FBH1: variants seen among roughly 807,000 people sequenced by gnomAD.
The protein encoded by FBH1 is F-box DNA helicase 1, also known as DNA 3'-5' helicase 1.
Under a neutral mutation model 115.5 loss-of-function variants are expected in FBH1, and 43 were observed. The observed-to-expected ratio is 0.37, with a 90% CI of 0.29 to 0.48. The LOEUF (loss-of-function observed/expected upper bound fraction) is 0.48. FBH1 is among the 20% of genes least tolerant of loss of function. The probability of loss-of-function intolerance (pLI) is 0.99; values close to 1 mark genes in which losing one functional copy is unlikely to be tolerated. For missense variants in FBH1, 1,001 were observed against 1,337.3 expected, an observed-to-expected ratio of 0.75 and a Z score of 3.92; for synonymous variants, 524 against 507.8, an observed-to-expected ratio of 1.03 and a Z score of -0.43.
At chr10:5,926,067 A>G (rs1832628406) in intron 18 of FBH1, among the ~76,000 whole-genome samples, 1 of 151,794 alleles carries the variant, frequency 6.6e-6, no homozygotes, top group African/African-American at 2.4e-5. Context: ...CACCACAGAC[A>G]TTTGTCTGCT....
chr10:5,918,037 TC>T lies in FBH1; in HGVS notation c.1964-304del, dbSNP rs1280762548. Among the ~76,000 whole-genome samples, 1 of 152,072 alleles carries T rather than the reference TC, an allele frequency of 6.6e-6. No homozygotes were observed. Among genetic ancestry groups the T allele is most frequent in the Non-Finnish European group, 1.5e-5 (1 of 68,004 alleles). On this transcript the variant is annotated intron_variant, in intron 12 of 20. Transcript: ENST00000362091. This position sits in a 1 kb window ranked among gnomAD's most constrained non-coding sequence, Gnocchi z 4.0. ...AGTGTTATCCGTCTGACTTTGTAGG[TC>T]AATTTTGAGTGCTATAATATTAGAG...
At chr10:5,926,098 A>C (rs7919410) in intron 18 of FBH1, among the ~76,000 whole-genome samples, 1,688 of 124,880 alleles carry the variant, frequency 0.014, 20 homozygotes, top group African/African-American at 0.03. Context: ...TGTTGTTATT[A>C]TTATTCTTAT....
rs545504657 is a variant in FBH1, at chr10:5,927,254, A to G, written c.2723-181A>G. On this transcript the variant is annotated intron_variant, in intron 18 of 20. Transcript: ENST00000362091. The stretch of plus-strand genomic sequence containing the variant: ...CGGTATTTTGTGCCACTAGTCTGCT[A>G]GGATTTGGTTTGTTTTTGGAATTGG... Among the ~76,000 whole-genome samples, 12 of 152,310 alleles carry G rather than the reference A, an allele frequency of 7.9e-5. No homozygotes were observed. The East Asian group carries it at 2.3e-3, about 29-fold the overall frequency.
chr10:5,902,991 C>T, intron 1 of FBH1, 29 bp from the exon 2 acceptor site: 1 of 1,576,868 alleles, frequency 6.3e-7, no homozygotes, highest in Non-Finnish European at 8.6e-7. Context: ...ATGAATATCC[C>T]CTTTCTTCTA....
Position 5,906,956 on chromosome 10 carries a change from C to T in FBH1, c.753+324C>T, listed in dbSNP as rs542619993. Among the ~76,000 whole-genome samples the T allele has an allele frequency of 2.0e-5, 3 of 151,936 alleles. No individual in the cohort carries two copies. Among genetic ancestry groups the T allele is most frequent in the Admixed American group, 2.0e-4 (3 of 15,252 alleles). On this transcript the variant is annotated intron_variant, in intron 3 of 20. Coordinates refer to ENST00000362091, the MANE Select transcript of FBH1 (RefSeq NM_178150.3). This position sits in a 1 kb window ranked among gnomAD's most constrained non-coding sequence, Gnocchi z 7.3. ...CCACCTGGAGGGTTCCTCATATCTC[C>T]CTTGACTTCTTTTTTTTTTTTTTTG...
rs1832525954 is a variant in FBH1 at position 5,924,681 on chromosome 10, C to T, written c.2596+173C>T. ...CTTCTGGGTTCAAGCAATTATCCTGCCTCAGCCTCGTGAGTAGCTGGGACT... is the reference window on the plus strand; with the variant it reads ...CTTCTGGGTTCAAGCAATTATCCTGTCTCAGCCTCGTGAGTAGCTGGGACT... On this transcript the variant is annotated intron_variant, in intron 17 of 20. Coordinates refer to ENST00000362091, the MANE Select transcript of FBH1 (RefSeq NM_178150.3). The surrounding 1 kb of genome is among the most constrained non-coding windows in gnomAD (Gnocchi z 6.2). The T allele has an allele frequency of 2.9e-6, 2 of 693,442 alleles. No homozygotes were observed. The highest frequency in any genetic ancestry group is 3.1e-5 in the South Asian group (2 of 65,276). 43.0% of individuals were successfully genotyped at this position (693,442 alleles called of 1,614,324 possible). A position where few individuals can be genotyped will look rare whatever the true frequency, so the allele number is the denominator to read the frequency against.
Position 5,931,678 on chromosome 10 carries a change from A to G in FBH1, c.2829+4137A>G, listed in dbSNP as rs1832979297. Among the ~76,000 whole-genome samples, 2 of 152,228 alleles carry G rather than the reference A, an allele frequency of 1.3e-5. No homozygotes were observed. The highest frequency in any genetic ancestry group is 2.9e-5 in the Non-Finnish European group (2 of 68,042). On this transcript the variant is annotated intron_variant, in intron 19 of 20. Coordinates refer to ENST00000362091, the MANE Select transcript of FBH1 (RefSeq NM_178150.3). The surrounding 1 kb of genome is among the most constrained non-coding windows in gnomAD (Gnocchi z 4.3). ...ATGAATGATGTATTTATTAGTCAAA[A>G]TATCATGTTCTGAAGTCACTTAAAG...
chr10:5,910,809 G>A lies in FBH1; in HGVS notation c.1021-129G>A, dbSNP rs112967813. The stretch of plus-strand genomic sequence containing the variant: ...TCCCAAATACAACTTGGAAAGTTTG[G>A]ATTCAGTCCAGACAGTCTGTAGCCA... On this transcript the variant is annotated intron_variant, in intron 5 of 20. Coordinates refer to ENST00000362091, the MANE Select transcript of FBH1 (RefSeq NM_178150.3). The surrounding 1 kb of genome is among the most constrained non-coding windows in gnomAD (Gnocchi z 4.8). 2.4e-4 allele frequency: 180 copies of A among 735,226 alleles called. No homozygotes were observed. The African/African-American group carries it at 2.9e-3, about 12-fold the overall frequency. 45.5% of individuals were successfully genotyped at this position (735,226 alleles called of 1,614,324 possible).
At chr10:5,903,260 A>G (rs1330024681) in intron 2 of FBH1, 85 bp downstream of exon 2, 1 of 1,126,758 alleles carries the variant, frequency 8.9e-7, no homozygotes, top group Non-Finnish European at 1.2e-6. Flanking sequence ...GTATTTGTAA[A>G]TGTTGCTGCT....
At chr10:5,898,686 A>T (rs1843152552) in intron 1 of FBH1, among the ~76,000 whole-genome samples, 1 of 152,336 alleles carries the variant, frequency 6.6e-6, no homozygotes, top group Admixed American at 6.5e-5. Context: ...CTGGGATTAC[A>T]GGCATGAGCC....
chr10:5,912,374 A>AAT (rs1831651476), intron 6 of FBH1, among the ~76,000 whole-genome samples: 1 of 151,722 alleles, frequency 6.6e-6, no homozygotes, highest in Non-Finnish European at 1.5e-5. Context: ...AAAAAAAAAA[A>AAT]AAATGTAGAA....
rs1832508927 is a variant in FBH1, at chr10:5,924,411, T to G, written c.2499T>G (p.Leu833=). ...RYVTAAEDKE[L]EAKIAVVEKY... is the part of the protein sequence containing the mutation. ...TGACCGCTGCCGAGGACAAGGAGCT[T>G]GAAGCCAAGATCGCAGTTGTTGAAA... is the stretch of plus-strand genomic sequence containing the variant. Residue 833 remains leucine (L), a synonymous_variant, in exon 17 of 21, where the codon CTT becomes CTG. Transcript: ENST00000362091. This position sits in a 1 kb window ranked among gnomAD's most constrained non-coding sequence, Gnocchi z 6.2. The G allele has an allele frequency of 6.2e-7, 1 of 1,614,186 alleles. No individual in the cohort carries two copies. Among genetic ancestry groups the G allele is most frequent in the Non-Finnish European group, 8.5e-7 (1 of 1,180,030 alleles).
intron 1 of FBH1, among the ~76,000 whole-genome samples, chr10:5,899,661 G>A (rs1843222780): frequency 6.6e-6 from 1 of 152,156 alleles, no homozygotes; most frequent in East Asian, 1.9e-4. Context: ...CTGCTGTTGA[G>A]CATTGTGTGG....
In FBH1 at chr10:5,900,163, T is replaced by C. The variant is rs1843251745; in HGVS notation, c.2-2857T>C. On this transcript the variant is annotated intron_variant, in intron 1 of 20. Coordinates refer to ENST00000362091, the MANE Select transcript of FBH1 (RefSeq NM_178150.3). This position sits in a 1 kb window ranked among gnomAD's most constrained non-coding sequence, Gnocchi z 4.2. ...CTGCTTTGCCATTAGGTGGCATCTT[T>C]ATAATTTGAAGGATATTTCAATGTC... is the stretch of plus-strand genomic sequence containing the variant. Among the ~76,000 whole-genome samples the C allele has an allele frequency of 6.6e-6, 1 of 152,248 alleles. No homozygotes were observed.
chr10:5,896,605 T>C (rs1843018142), intron 1 of FBH1, among the ~76,000 whole-genome samples: 1 of 152,004 alleles, frequency 6.6e-6, no homozygotes, highest in South Asian at 2.1e-4. Context: ...TGGAAGAGAG[T>C]GTCCAAGGGT....
chr10:5,910,851 C>T lies in FBH1; in HGVS notation c.1021-87C>T. The T allele has an allele frequency of 8.3e-7, 1 of 1,205,292 alleles. No individual in the cohort carries two copies. The highest frequency in any genetic ancestry group is 1.2e-6 in the Non-Finnish European group (1 of 868,910). The allele number at this position is 1,205,292 out of a possible 1,614,324, so 74.7% of individuals were successfully genotyped here. A position where few individuals can be genotyped will look rare whatever the true frequency, so the allele number is the denominator to read the frequency against. The stretch of plus-strand genomic sequence containing the variant: ...CTGTAGCCAGCAGCTGGACCCGTGG[C>T]TCGGCTTTCCTGACTCCTTCCTGCT... On this transcript the variant is annotated intron_variant, in intron 5 of 20. Transcript: ENST00000362091. The surrounding 1 kb of genome is among the most constrained non-coding windows in gnomAD (Gnocchi z 4.8).
chr10:5,897,381 A>G lies in FBH1; in HGVS notation c.2-5639A>G, dbSNP rs1320454516. Among the ~76,000 whole-genome samples the G allele has an allele frequency of 1.3e-5, 2 of 150,626 alleles. No individual in the cohort carries two copies. Among genetic ancestry groups the G allele is most frequent in the Non-Finnish European group, 2.9e-5 (2 of 67,818 alleles). On this transcript the variant is annotated intron_variant, in intron 1 of 20. Coordinates refer to ENST00000362091, the MANE Select transcript of FBH1 (RefSeq NM_178150.3). This position sits in a 1 kb window ranked among gnomAD's most constrained non-coding sequence, Gnocchi z 4.7. ...AAGCGTGTAATTGCAGAGGAGGTGG[A>G]CACAGGGCTCCTGCGGAGGAGGTGG... is the stretch of plus-strand genomic sequence containing the variant.
rs1831380721 is a variant in FBH1, at chr10:5,908,878, A to G, written c.754-47A>G. ...TGCCCGCCTCATTAATCTGCTTTCT[A>G]ATGGCCCTTTGCCTCATGTTATTTT... On this transcript the variant is annotated intron_variant, in intron 3 of 20. Coordinates refer to ENST00000362091, the MANE Select transcript of FBH1 (RefSeq NM_178150.3). 7 of 1,607,262 alleles carry G rather than the reference A, an allele frequency of 4.4e-6. No individual in the cohort carries two copies. In the East Asian group the frequency reaches 1.3e-4, roughly 31 times the overall value.
At chr10:5,930,916 GT>G (rs1222829431) in intron 19 of FBH1, among the ~76,000 whole-genome samples, 4 of 148,486 alleles carry the variant, frequency 2.7e-5, no homozygotes, top group Non-Finnish European at 4.5e-5. Context: ...CACCTGGCTG[GT>G]TTTTTTTTTG....
Sources: gnomAD v4.1 joint callset for allele counts (sites outside exome capture counted in the v4.1 genomes callset) on GRCh38, gnomAD v4.1.1 for gene constraint, Gnocchi (gnomAD v3.1) non-coding constraint, MANE v1.5 for transcripts, NCBI Gene and HGNC (gene_info 2026-07-23, HGNC 2026-07-21) for gene names.